The following SAMD12 variants were observed in gnomAD, a reference collection of about 807,000 sequenced individuals.
The protein encoded by SAMD12 is sterile alpha motif domain containing 12, also known as sterile alpha motif domain-containing protein 12.
In SAMD12, 9 loss-of-function variants were observed where a neutral mutation model predicts 15.0. That is an observed-to-expected ratio of 0.60 (90% CI 0.36 to 1.05). The LOEUF (loss-of-function observed/expected upper bound fraction) is 1.05, where lower values mean the gene tolerates loss of function less well. SAMD12 is among the 50% of genes least tolerant of loss of function. The pLI is 0.01. For missense variants in SAMD12, 230 were observed against 234.2 expected, an observed-to-expected ratio of 0.98 and a Z score of 0.12; for synonymous variants, 86 against 90.1, an observed-to-expected ratio of 0.96 and a Z score of 0.25.
chr8:118,580,886 G>C lies in SAMD12; in HGVS notation c.21C>G (p.His7Gln), dbSNP rs749228146. MAVEAL[H>Q]CGLNPRGIDH... ...CAATACCCCGTGGATTCAAACCACA[G>C]TGGAGAGCTAGGAAAAAGCAACAAA... Residue 7 changes from histidine (H) to glutamine (Q), a missense_variant, in exon 2 of 4, where the codon CAC (histidine) becomes CAG (glutamine). His to Gln is a conservative substitution (Grantham distance 24). Transcript: ENST00000314727. 1 of 1,606,854 alleles carries C rather than the reference G, an allele frequency of 6.2e-7. No homozygotes were observed. Among genetic ancestry groups the C allele is most frequent in the African/African-American group, 1.3e-5 (1 of 74,390 alleles).
intron 4 of SAMD12, among the ~76,000 whole-genome samples, chr8:118,307,260 T>C (rs1399372942): frequency 2.0e-5 from 3 of 152,196 alleles, no homozygotes; most frequent in African/African-American, 7.2e-5. Context: ...AATGTGGACT[T>C]CTGGAATGGT....
At chr8:118,446,085 C>T (rs1006226731) in intron 2 of SAMD12, among the ~76,000 whole-genome samples, 6 of 152,046 alleles carry the variant, frequency 3.9e-5, no homozygotes, top group Non-Finnish European at 7.4e-5. Flanking sequence ...GTTATTTTCC[C>T]GTATTTGCAT....
intron 2 of SAMD12, among the ~76,000 whole-genome samples, chr8:118,568,098 G>A (rs539599004): frequency 1.3e-5 from 2 of 152,140 alleles, no homozygotes; most frequent in Non-Finnish European, 2.9e-5. Flanking sequence ...GTGTGTTAGT[G>A]GGGTAAAGAA....
chr8:118,578,532 C>T (rs769108507), intron 2 of SAMD12, among the ~76,000 whole-genome samples: 4 of 152,178 alleles, frequency 2.6e-5, no homozygotes, highest in East Asian at 1.9e-4. Flanking sequence ...GCCAATTTAC[C>T]GGAGATTCAA....
rs114539482 is a variant in SAMD12, at chr8:118,547,907, G to A, written c.192+32808C>T. ...AATCAAACACTGTTCATCCTCACAC[G>A]ACCTCCAACCTTCTGGCATATAGTG... On this transcript the variant is annotated intron_variant, in intron 2 of 3. Transcript: ENST00000314727. Among the ~76,000 whole-genome samples the A allele has an allele frequency of 4.9e-3, 738 of 151,970 alleles. 3 individuals carry two copies. Among genetic ancestry groups the A allele is most frequent in the African/African-American group, 0.016 (644 of 41,406 alleles).
the SAMD12 span, among the ~76,000 whole-genome samples, chr8:118,162,159 CAA>C: frequency 4.9e-4 from 69 of 140,214 alleles, no homozygotes; most frequent in African/African-American, 1.6e-3. Flanking sequence ...GACTCTGTCT[CAA>C]AAAAAAAAAA....
intron 4 of SAMD12, among the ~76,000 whole-genome samples, chr8:118,277,695 T>A (rs1813508341): frequency 6.6e-6 from 1 of 152,218 alleles, no homozygotes; most frequent in African/African-American, 2.4e-5. Flanking sequence ...GTATATAGTT[T>A]TCATATACTG....
At chr8:118,440,088 C>G (rs1822695316) in intron 2 of SAMD12, 127 bp from the exon 3 acceptor site, 5 of 901,840 alleles carry the variant, frequency 5.5e-6, no homozygotes, top group African/African-American at 1.7e-5. Context: ...TAGTTCTTGT[C>G]TTTCTCCTAA....
At chr8:118,590,293 C>A (rs993208311) in intron 1 of SAMD12, among the ~76,000 whole-genome samples, 1 of 152,188 alleles carries the variant, frequency 6.6e-6, no homozygotes, top group Non-Finnish European at 1.5e-5. Context: ...GACTCACACC[C>A]TCACCAGGCT....
At chr8:118,398,539 T>C (rs1246889079) in intron 3 of SAMD12, among the ~76,000 whole-genome samples, 1 of 152,228 alleles carries the variant, frequency 6.6e-6, no homozygotes, top group Non-Finnish European at 1.5e-5. Flanking sequence ...CTGGTCTTTC[T>C]CTGCTTATAT....
intron 4 of SAMD12, among the ~76,000 whole-genome samples, chr8:118,351,890 C>G (rs534774798): frequency 6.6e-6 from 1 of 152,312 alleles, no homozygotes; most frequent in African/African-American, 2.4e-5. Context: ...TCACAGTTCT[C>G]ATTCTTCTGG....
chr8:118,354,846 G>T (rs1184595380), intron 4 of SAMD12, among the ~76,000 whole-genome samples: 2 of 152,182 alleles, frequency 1.3e-5, no homozygotes, highest in Non-Finnish European at 2.9e-5. Flanking sequence ...ACAGGAGTCT[G>T]CCTTGCTTTG....
intron 2 of SAMD12, among the ~76,000 whole-genome samples, chr8:118,459,838 T>G (rs1823363814): frequency 6.6e-6 from 1 of 152,218 alleles, no homozygotes; most frequent in African/African-American, 2.4e-5. Context: ...TGGGATACAC[T>G]GGTGAGAAAC....
At chr8:118,180,620 T>G in the SAMD12 span, among the ~76,000 whole-genome samples, 1 of 152,206 alleles carries the variant, frequency 6.6e-6, no homozygotes, top group South Asian at 2.1e-4. Context: ...TTGACCAGGT[T>G]GGAGTGCAGT....
At chr8:118,395,640 A>T (rs1455911844) in intron 3 of SAMD12, among the ~76,000 whole-genome samples, 1 of 152,154 alleles carries the variant, frequency 6.6e-6, no homozygotes, top group African/African-American at 2.4e-5. Context: ...ATAATCAATA[A>T]GACTCTTTCT....
At chr8:118,540,328 T>G (rs1825955420) in intron 2 of SAMD12, among the ~76,000 whole-genome samples, 1 of 152,216 alleles carries the variant, frequency 6.6e-6, no homozygotes, top group Admixed American at 6.5e-5. Context: ...AATTTTTTAA[T>G]TATAATAAAG....
At chr8:118,582,286 A>C (rs903428012) in intron 1 of SAMD12, among the ~76,000 whole-genome samples, 21 of 152,174 alleles carry the variant, frequency 1.4e-4, no homozygotes, top group African/African-American at 4.6e-4. Flanking sequence ...CAGCAGAAAC[A>C]ATTTGCCTGT....
chr8:118,273,080 A>C (rs1813404731), intron 4 of SAMD12, among the ~76,000 whole-genome samples: 2 of 152,224 alleles, frequency 1.3e-5, no homozygotes, highest in African/African-American at 2.4e-5. Context: ...CATGCTGCTA[A>C]TAAAGACATA....
chr8:118,352,468 A>G (rs900951669), intron 4 of SAMD12, among the ~76,000 whole-genome samples: 1 of 152,210 alleles, frequency 6.6e-6, no homozygotes, highest in Admixed American at 6.5e-5. Context: ...CAGAAAAAAA[A>G]AAGAAGCCTA....
Sources: gnomAD v4.1 joint callset for allele counts (sites outside exome capture counted in the v4.1 genomes callset) on GRCh38, gnomAD v4.1.1 for gene constraint, MANE v1.5 for transcripts, NCBI Gene and HGNC (gene_info 2026-07-23, HGNC 2026-07-21) for gene names.